The following ZFHX3 variants were observed in gnomAD, a reference collection of about 807,000 sequenced individuals.
ZFHX3 encodes zinc finger homeobox 3.
Under a neutral mutation model 279.1 loss-of-function variants are expected in ZFHX3, and 42 were observed. That is an observed-to-expected ratio of 0.15 (90% CI 0.12 to 0.19). ZFHX3 has a LOEUF of 0.19. Among genes scored for constraint, ZFHX3 ranks in the 10% least tolerant of loss-of-function variants. The probability of loss-of-function intolerance (pLI) is 1.00; values close to 1 mark genes in which losing one functional copy is unlikely to be tolerated. For synonymous variants in ZFHX3, 2,293 were observed against 1,957.8 expected, an observed-to-expected ratio of 1.17 and a Z score of -4.52; for missense variants, 4,981 against 4,754.0, an observed-to-expected ratio of 1.05 and a Z score of -1.40.
At chr16:73,867,704 T>C (rs1045137423) in intron 1 of ZFHX3, among the ~76,000 whole-genome samples, 4 of 152,222 alleles carry the variant, frequency 2.6e-5, no homozygotes, top group Non-Finnish European at 5.9e-5. Flanking sequence ...GGGCATCTGA[T>C]GTACCCATTC....
chr16:73,571,477 C>A (rs1251065147), intron 2 of ZFHX3, among the ~76,000 whole-genome samples: 2 of 152,076 alleles, frequency 1.3e-5, no homozygotes, highest in African/African-American at 4.8e-5. Flanking sequence ...CTCTCTGGGT[C>A]CTTTGGCTGT....
rs980418331 is a variant in ZFHX3, at chr16:72,969,741, T to C, written c.-49-9547A>G. ...TGCATCTGTTTAGCTTGGAATCCACTGAAGAACCATACCCAGTTCCCTTCT... is the reference window on the plus strand; with the variant it reads ...TGCATCTGTTTAGCTTGGAATCCACCGAAGAACCATACCCAGTTCCCTTCT... On this transcript the variant is annotated intron_variant, in intron 1 of 9. Coordinates refer to ENST00000268489, the MANE Select transcript of ZFHX3 (RefSeq NM_006885.4). 5.3e-5 allele frequency among the ~76,000 whole-genome samples: 8 copies of C among 152,340 alleles called. No homozygotes were observed. In the South Asian group the frequency reaches 1.7e-3, roughly 32 times the overall value.
intron 7 of ZFHX3, among the ~76,000 whole-genome samples, chr16:73,100,346 C>A (rs1193076368): frequency 1.3e-5 from 2 of 152,182 alleles, no homozygotes; most frequent in Admixed American, 6.5e-5. Flanking sequence ...AAATAAACAT[C>A]AGCCACTAGG....
At chr16:72,885,885 A>C (rs2038610203) in intron 4 of ZFHX3, among the ~76,000 whole-genome samples, 1 of 152,204 alleles carries the variant, frequency 6.6e-6, no homozygotes, top group African/African-American at 2.4e-5. Context: ...TAAAAGGTGC[A>C]CCAAGACTTC....
At chr16:73,475,318 A>G (rs1451872169) in intron 2 of ZFHX3, among the ~76,000 whole-genome samples, 1 of 152,238 alleles carries the variant, frequency 6.6e-6, no homozygotes, top group Non-Finnish European at 1.5e-5. Context: ...TCTACCAAAT[A>G]AATGTAACAT....
intron 3 of ZFHX3, among the ~76,000 whole-genome samples, chr16:73,381,523 A>G (rs1359087146): frequency 2.0e-5 from 3 of 152,242 alleles, no homozygotes; most frequent in Admixed American, 2.0e-4. Flanking sequence ...AATTTCATCT[A>G]TTACAAAGAC....
chr16:73,107,735 T>C (rs1430803460), intron 7 of ZFHX3, among the ~76,000 whole-genome samples: 2 of 152,212 alleles, frequency 1.3e-5, no homozygotes, highest in Non-Finnish European at 2.9e-5. Context: ...ATGATGATAA[T>C]GGGCTGGGTG....
chr16:73,557,795 A>T (rs967195994), intron 2 of ZFHX3, among the ~76,000 whole-genome samples: 12 of 152,174 alleles, frequency 7.9e-5, no homozygotes, highest in African/African-American at 2.9e-4. Flanking sequence ...CTGTCTGGGA[A>T]TGCAGTCCAG....
chr16:73,516,884 T>C (rs765471612), intron 2 of ZFHX3, among the ~76,000 whole-genome samples: 6 of 152,254 alleles, frequency 3.9e-5, no homozygotes, highest in African/African-American at 7.2e-5. Context: ...AATACTTTTC[T>C]GTCTAGTTAT....
chr16:73,634,252 A>G (rs539440664), intron 2 of ZFHX3, among the ~76,000 whole-genome samples: 1 of 151,616 alleles, frequency 6.6e-6, no homozygotes, highest in East Asian at 1.9e-4. Context: ...TCACATTGCT[A>G]TTTTCTTCTC....
At chr16:73,544,645 G>A (rs1208793308) in intron 2 of ZFHX3, among the ~76,000 whole-genome samples, 4 of 152,166 alleles carry the variant, frequency 2.6e-5, no homozygotes, top group Non-Finnish European at 5.9e-5. Flanking sequence ...CCAAGGGGAT[G>A]GGGATCTGGC....
At chr16:73,132,657 A>T (rs1211456024) in intron 6 of ZFHX3, among the ~76,000 whole-genome samples, 1 of 152,192 alleles carries the variant, frequency 6.6e-6, no homozygotes, top group Non-Finnish European at 1.5e-5. Flanking sequence ...CGTTTCTTAC[A>T]GATCCCATAT....
At chr16:73,032,833 C>T (rs982556028) in intron 1 of ZFHX3, among the ~76,000 whole-genome samples, 3 of 152,142 alleles carry the variant, frequency 2.0e-5, no homozygotes, top group African/African-American at 7.2e-5. Flanking sequence ...GCCTAATACC[C>T]ATTTGTATTC....
chr16:73,041,275 A>C (rs1209495847), intron 1 of ZFHX3, among the ~76,000 whole-genome samples: 1 of 152,138 alleles, frequency 6.6e-6, no homozygotes, highest in Non-Finnish European at 1.5e-5. Flanking sequence ...TAGTTTCACC[A>C]GCAAGGGCAA....
At chr16:73,805,954 A>G (rs1432799641) in intron 1 of ZFHX3, among the ~76,000 whole-genome samples, 2 of 152,192 alleles carry the variant, frequency 1.3e-5, no homozygotes, top group East Asian at 1.9e-4. Flanking sequence ...GACAACTGCG[A>G]CTGGGTAATT....
chr16:73,777,508 C>CAAA (rs34744186), intron 1 of ZFHX3, among the ~76,000 whole-genome samples: 991 of 62,298 alleles, frequency 0.016, 156 homozygotes, highest in Non-Finnish European at 0.017. Context: ...GACTCTGTCT[C>CAAA]AAAAAAAAAA....
At chr16:73,592,835 G>A (rs768256300) in intron 2 of ZFHX3, among the ~76,000 whole-genome samples, 2 of 151,252 alleles carry the variant, frequency 1.3e-5, no homozygotes, top group Non-Finnish European at 2.9e-5. Context: ...AACAAAACTC[G>A]AATCTCTAAC....
chr16:73,026,693 A>AAAAAAAAAAC (rs201116956), intron 1 of ZFHX3, among the ~76,000 whole-genome samples: 30 of 144,716 alleles, frequency 2.1e-4, no homozygotes, highest in Non-Finnish European at 3.3e-4. Context: ...AAAAAAAAAA[A>AAAAAAAAAAC]AACACATAGT....
chr16:73,554,892 C>T (rs2020251963), intron 2 of ZFHX3: 1 of 152,188 alleles, frequency 6.6e-6, no homozygotes, highest in Non-Finnish European at 1.5e-5. Flanking sequence ...TAGACCTGAC[C>T]TTCCTCAGTG....
Sources: gnomAD v4.1 joint callset for allele counts (sites outside exome capture counted in the v4.1 genomes callset) on GRCh38, gnomAD v4.1.1 for gene constraint, MANE v1.5 for transcripts, NCBI Gene and HGNC (gene_info 2026-07-23, HGNC 2026-07-21) for gene names.